Variants in EDA2R observed in about 807,000 individuals in gnomAD.
The protein encoded by EDA2R is tumor necrosis factor receptor superfamily member 27.
In EDA2R, 26 loss-of-function variants were observed where a neutral mutation model predicts 20.1. That is an observed-to-expected ratio of 1.30 (90% CI 0.95 to 1.80). EDA2R has a LOEUF of 1.80. EDA2R is among the 40% of genes most tolerant of loss of function. The pLI is 0.00. For synonymous variants in EDA2R, 114 were observed against 88.7 expected, an observed-to-expected ratio of 1.29 and a Z score of -1.60; for missense variants, 277 against 228.7, an observed-to-expected ratio of 1.21 and a Z score of -1.36.
chrX:66,600,006 G>C (rs1226912453), intron 5 of EDA2R, 146 bp from the exon 6 acceptor site: 1 of 1,145,652 alleles, frequency 8.7e-7, no homozygotes, highest in African/African-American at 1.8e-5. Flanking sequence ...CCTAGCACCA[G>C]GCTGAGGTGA....
intron 2 of EDA2R, among the ~76,000 whole-genome samples, chrX:66,612,314 T>C (rs1389822615): frequency 8.9e-6 from 1 of 112,118 alleles, no homozygotes; most frequent in East Asian, 2.8e-4. Context: ...TTTCTCTTCA[T>C]ACATTTTATA....
chrX:66,615,078 A>G lies in EDA2R; in HGVS notation c.87+856T>C, dbSNP rs557136408. Among the ~76,000 whole-genome samples the G allele has an allele frequency of 9.0e-5, 10 of 111,659 alleles. 1 individual carries two copies. Among genetic ancestry groups the G allele is most frequent in the African/African-American group, 2.9e-4 (9 of 30,795 alleles). On this transcript the variant is annotated intron_variant, in intron 2 of 6. Coordinates refer to ENST00000374719, the MANE Select transcript of EDA2R (RefSeq NM_021783.5). ...CAGTCACCCTAATTTGATTCTTCTC[A>G]TATCTTCATATCCAGATTCTTCATT...
chrX:66,617,285 G>A (rs187733076), intron 1 of EDA2R, among the ~76,000 whole-genome samples: 1 of 111,624 alleles, frequency 9.0e-6, no homozygotes, highest in East Asian at 2.9e-4. Flanking sequence ...CATCAACTGG[G>A]CCATTCTTTC....
Position 66,604,522 on chromosome X carries a change from T to A in EDA2R, c.267-16A>T, listed in dbSNP as rs755574419. 8 of 1,189,400 alleles carry A rather than the reference T, an allele frequency of 6.7e-6. No individual in the cohort carries two copies. The highest frequency in any genetic ancestry group is 8.0e-6 in the Non-Finnish European group (7 of 879,006). On this transcript the variant is annotated splice_polypyrimidine_tract_variant and intron_variant, in intron 3 of 6. Coordinates refer to ENST00000374719, the MANE Select transcript of EDA2R (RefSeq NM_021783.5). ...TCGGTAGAACCTGTGTTCAGAGCAA[T>A]TAGGAATGGCAGGGTGATCAAACAA...
intron 5 of EDA2R, among the ~76,000 whole-genome samples, chrX:66,600,846 C>T (rs1425246485): frequency 1.8e-5 from 2 of 111,883 alleles, no homozygotes; most frequent in Non-Finnish European, 3.8e-5. Flanking sequence ...TAAAAAAAAT[C>T]CAGATTTCTG....
At chrX:66,600,102 A>G in intron 5 of EDA2R, 1 of 1,148,608 alleles carries the variant, frequency 8.7e-7, no homozygotes, top group Non-Finnish European at 1.2e-6. Context: ...TTCTCTAGAG[A>G]AAAAGAAACC....
intron 1 of EDA2R, among the ~76,000 whole-genome samples, chrX:66,620,898 C>T (rs1180232844): frequency 2.1e-5 from 2 of 96,554 alleles, no homozygotes; most frequent in African/African-American, 7.4e-5. Flanking sequence ...AAAAGATGGT[C>T]GGTGTTATCA....
chrX:66,639,112 GCGCCCCTCAGCCCC>G (rs1217228292), upstream of EDA2R: 1 of 6,683 alleles, frequency 1.5e-4, no homozygotes, highest in Non-Finnish European at 2.8e-4. Context: ...CCTTCACCCC[GCGCCCCTCAGCCCC>G]CGCCCCTCAG....
intron 2 of EDA2R, among the ~76,000 whole-genome samples, chrX:66,606,917 A>G (rs1929786356): frequency 1.8e-5 from 2 of 112,608 alleles, no homozygotes. Flanking sequence ...TGCAGATTGG[A>G]AAAGTGATGG....
rs1047372270 is a variant in EDA2R at position 66,597,923 on chromosome X, C to G, written c.*181G>C. ...AAGGGAAGCAAGAAATGCTCCAGAT[C>G]AGTCCTTGTGAAATGGAGAATCAAT... On this transcript the variant is annotated 3_prime_UTR_variant, in exon 7 of 7. Transcript: ENST00000374719. The G allele has an allele frequency of 1.2e-5, 7 of 605,111 alleles. No individual in the cohort carries two copies. The highest frequency in any genetic ancestry group is 1.3e-5 in the Non-Finnish European group (6 of 457,136). 49.9% of individuals were successfully genotyped at this position (605,111 alleles called of 1,213,427 possible).
chrX:66,635,881 T>C (rs893661146), intron 1 of EDA2R, among the ~76,000 whole-genome samples: 2 of 111,724 alleles, frequency 1.8e-5, no homozygotes, highest in Non-Finnish European at 3.8e-5. Flanking sequence ...ATTTAGCACA[T>C]AGTGGAAAAA....
Position 66,597,311 on chromosome X carries a change from G to T in EDA2R, c.*793C>A, listed in dbSNP as rs2147489837. ...GATTGAATTGACATTTCAATAGAAA[G>T]AGGCATACTCAGATGTCCCTACATG... is the stretch of plus-strand genomic sequence containing the variant. On this transcript the variant is annotated 3_prime_UTR_variant, in exon 7 of 7. Coordinates refer to ENST00000374719, the MANE Select transcript of EDA2R (RefSeq NM_021783.5). 8.9e-6 allele frequency: 1 copy of T among 112,387 alleles called. No homozygotes were observed. The highest frequency in any genetic ancestry group is 3.7e-4 in the South Asian group (1 of 2,693). 9.3% of individuals were successfully genotyped at this position (112,387 alleles called of 1,213,427 possible).
chrX:66,618,225 CAAATT>C (rs1339415269), intron 1 of EDA2R, among the ~76,000 whole-genome samples: 2 of 111,830 alleles, frequency 1.8e-5, no homozygotes, highest in African/African-American at 6.5e-5. Context: ...TCAAAGCATA[CAAATT>C]AAATTATCTT....
intron 2 of EDA2R, among the ~76,000 whole-genome samples, chrX:66,612,884 G>C (rs929340311): frequency 9.0e-6 from 1 of 110,984 alleles, no homozygotes; most frequent in African/African-American, 3.3e-5. Flanking sequence ...ATAATTAGGA[G>C]GCAAAGGAAG....
intron 1 of EDA2R, among the ~76,000 whole-genome samples, chrX:66,621,547 A>T (rs1380684263): frequency 2.7e-5 from 3 of 112,789 alleles, no homozygotes; most frequent in Non-Finnish European, 5.6e-5. Context: ...GTTTATCCAT[A>T]CAATGAAAAT....
intron 2 of EDA2R, among the ~76,000 whole-genome samples, chrX:66,609,551 A>T (rs746273611): frequency 7.1e-5 from 8 of 111,967 alleles, no homozygotes; most frequent in Non-Finnish European, 1.5e-4. Flanking sequence ...TATCTGCTTA[A>T]AACAGTGAGC....
Position 66,604,486 on chromosome X carries a change from A to G in EDA2R, c.287T>C (p.Ile96Thr), listed in dbSNP as rs760684540. The G allele has an allele frequency of 9.1e-6, 11 of 1,208,846 alleles. No individual in the cohort carries two copies. In the East Asian group the frequency reaches 1.5e-4, roughly 16 times the overall value. The change falls in exon 4 of 7, where the codon ATT (isoleucine) becomes ACT (threonine). Residue 96 changes from isoleucine (I) to threonine (T), a missense_variant. Ile to Thr is a moderately conservative substitution (Grantham distance 89, BLOSUM62 -1). Coordinates refer to ENST00000374719, the MANE Select transcript of EDA2R (RefSeq NM_021783.5). The stretch of plus-strand genomic sequence containing the variant: ...GCACTCTTGGTCCTGCAGGCCTCCA[A>G]TGCGTGTCTTTCGGTAGAACCTGTG... ...CLPRFYRKTR[I>T]GGLQDQECIP... is the part of the protein sequence containing the mutation.
intron 1 of EDA2R, among the ~76,000 whole-genome samples, chrX:66,635,547 AT>A (rs1934238631): frequency 1.8e-5 from 2 of 112,445 alleles, no homozygotes; most frequent in Non-Finnish European, 3.8e-5. Context: ...AAAGAAAGGA[AT>A]TCTCTCAAAG....
intron 6 of EDA2R, among the ~76,000 whole-genome samples, chrX:66,598,805 A>T (rs1343486140): frequency 8.9e-6 from 1 of 111,915 alleles, no homozygotes; most frequent in Admixed American, 9.5e-5. Context: ...GCACTGCAAG[A>T]TATTTGGTTA....
Sources: allele counts gnomAD v4.1 joint callset (sites outside exome capture counted in the v4.1 genomes callset), GRCh38; gene constraint gnomAD v4.1.1; transcripts MANE v1.5; gene names NCBI Gene and HGNC (gene_info 2026-07-23, HGNC 2026-07-21).